Variants in CFAP54 observed in about 807,000 individuals in gnomAD.
CFAP54 encodes cilia and flagella associated protein 54.
Under a neutral mutation model 370.4 loss-of-function variants are expected in CFAP54, and 290 were observed. The ratio of observed to expected loss-of-function variants is 0.78; its 90% CI spans 0.71 to 0.86. The LOEUF is 0.86. CFAP54 is among the 40% of genes least tolerant of loss of function. CFAP54 has a pLI of 0.00. For missense variants in CFAP54, 3,399 were observed against 3,528.7 expected (o/e 0.96, Z 0.93); for synonymous variants, 1,206 against 1,236.5 (o/e 0.98, Z 0.52).
In CFAP54 at chr12:96,489,625, T is replaced by C. The variant is rs2136337484; in HGVS notation, c.16T>C (p.Ser6Pro). 2 of 1,519,880 alleles carry C rather than the reference T, an allele frequency of 1.3e-6. No homozygotes were observed. The highest frequency in any genetic ancestry group is 1.8e-6 in the Non-Finnish European group (2 of 1,135,408). 94.1% of individuals were successfully genotyped at this position (1,519,880 alleles called of 1,614,324 possible). ...GCGCGTCAATATGGCGGCGCAGGGC[T>C]CCCCCTCGAGCTCTCCGTCAGACGA... MAAQGSPSSSPSDDST... is the reference protein window; with the variant it reads MAAQGPPSSSPSDDST... Residue 6 changes from serine (S) to proline (P), a missense_variant, in exon 1 of 68, where the codon TCC (serine) becomes CCC (proline). Ser to Pro is a moderately conservative substitution (Grantham distance 74). This residue lies in a region of CFAP54 where 559 missense variants were observed against 576.7 expected (regional missense o/e 0.97). Transcript: ENST00000524981.
chr12:96,787,996 C>T (rs115593041), intron 62 of CFAP54, among the ~76,000 whole-genome samples: 2,327 of 151,360 alleles, frequency 0.015, 76 homozygotes, highest in African/African-American at 0.054. Context: ...GGCTCACTGC[C>T]GCCTCTGCCT....
intron 65 of CFAP54, among the ~76,000 whole-genome samples, chr12:96,818,940 C>T (rs962231815): frequency 1.4e-4 from 21 of 152,174 alleles, no homozygotes; most frequent in African/African-American, 5.1e-4. Flanking sequence ...CCCCTAATTA[C>T]CTGTTCTTTA....
chr12:96,564,715 T>C lies in CFAP54; in HGVS notation c.2569T>C (p.Leu857=), dbSNP rs1188732997. 2 of 633,872 alleles carry C rather than the reference T, an allele frequency of 3.2e-6. No individual in the cohort carries two copies. Among genetic ancestry groups the C allele is most frequent in the Admixed American group, 2.8e-5 (1 of 35,472 alleles). 39.3% of individuals were successfully genotyped at this position (633,872 alleles called of 1,614,324 possible). ...AATTTACTTAATGCAGAAAGCTCTT[T>C]TAATATTCGAGAAAGATGCAACTTC... is the stretch of plus-strand genomic sequence containing the variant. ...KAIYLMQKAL[L]IFEKDATSTS... Residue 857 remains leucine (L), a synonymous_variant, in exon 19 of 68, where the codon TTA becomes CTA. Coordinates refer to ENST00000524981, the MANE Select transcript of CFAP54 (RefSeq NM_001306084.2).
At chr12:96,832,174 C>T (rs1959173050) in intron 66 of CFAP54, among the ~76,000 whole-genome samples, 1 of 151,988 alleles carries the variant, frequency 6.6e-6, no homozygotes, top group African/African-American at 2.4e-5. Flanking sequence ...CTGCTGTCAT[C>T]CATGTAAGAC....
intron 13 of CFAP54, 179 bp downstream of exon 13, chr12:96,538,697 T>C: frequency 1.6e-6 from 1 of 624,450 alleles, no homozygotes; most frequent in Non-Finnish European, 2.7e-6. Flanking sequence ...TTTTAATGTG[T>C]GTTCCCTGCA....
At chr12:96,575,477 T>C (rs1168532929) in intron 19 of CFAP54, among the ~76,000 whole-genome samples, 2 of 152,154 alleles carry the variant, frequency 1.3e-5, no homozygotes, top group East Asian at 3.9e-4. Flanking sequence ...TAATAATAGT[T>C]CTGATATGGC....
chr12:96,827,949 A>G (rs1365835608), intron 65 of CFAP54, among the ~76,000 whole-genome samples: 5 of 105,276 alleles, frequency 4.7e-5, no homozygotes, highest in Non-Finnish European at 9.0e-5. Flanking sequence ...TATATAATAT[A>G]TAATTATATA....
At chr12:96,691,081 A>C (rs962289416) in intron 43 of CFAP54, 47 bp from the exon 44 acceptor site, 1 of 1,540,904 alleles carries the variant, frequency 6.5e-7, no homozygotes, top group East Asian at 2.3e-5. Context: ...TTCATTATTG[A>C]AAATGCTATC....
At chr12:96,753,552 G>A (rs140912618) in intron 55 of CFAP54, among the ~76,000 whole-genome samples, 191 bp from the exon 56 acceptor site, 1 of 152,054 alleles carries the variant, frequency 6.6e-6, no homozygotes, top group Non-Finnish European at 1.5e-5. Context: ...ATTTCAAAGG[G>A]TTATTACTGT....
chr12:96,505,279 G>T (rs1458385775), intron 3 of CFAP54, among the ~76,000 whole-genome samples: 1 of 151,780 alleles, frequency 6.6e-6, no homozygotes, highest in African/African-American at 2.4e-5. Flanking sequence ...GGTCAGGGTG[G>T]TCTCAAACTC....
intron 63 of CFAP54, among the ~76,000 whole-genome samples, chr12:96,803,305 T>A (rs1314382564): frequency 6.6e-6 from 1 of 152,070 alleles, no homozygotes; most frequent in African/African-American, 2.4e-5. Context: ...AGTGTAAAAG[T>A]GTTTCTATTT....
At chr12:96,700,839 A>G (rs1440238095) in intron 46 of CFAP54, among the ~76,000 whole-genome samples, 1 of 151,800 alleles carries the variant, frequency 6.6e-6, no homozygotes, top group Non-Finnish European at 1.5e-5. Context: ...TTTGCCTGGG[A>G]GAGAGTGTGT....
intron 48 of CFAP54, among the ~76,000 whole-genome samples, chr12:96,717,924 C>T (rs148462466): frequency 0.012 from 1,833 of 152,262 alleles, 22 homozygotes; most frequent in Middle Eastern, 0.02. Flanking sequence ...TCAGCTTCAG[C>T]CTTCTAATAT....
intron 60 of CFAP54, among the ~76,000 whole-genome samples, chr12:96,771,617 A>G (rs1325180037): frequency 2.0e-5 from 3 of 152,152 alleles, no homozygotes; most frequent in East Asian, 1.9e-4. Context: ...GCGCCACTGC[A>G]CTCCGGCCTG....
chr12:96,664,809 A>C (rs372519843), intron 39 of CFAP54, among the ~76,000 whole-genome samples: 2 of 39,226 alleles, frequency 5.1e-5, no homozygotes, highest in South Asian at 1.2e-3. Flanking sequence ...ATATATATAT[A>C]TATAGATATA....
At chr12:96,512,030 T>C (rs1298510415) in intron 4 of CFAP54, among the ~76,000 whole-genome samples, 1 of 152,048 alleles carries the variant, frequency 6.6e-6, no homozygotes, top group Non-Finnish European at 1.5e-5. Context: ...CCTCTTTTAA[T>C]TAATGGTCTG....
Position 96,756,577 on chromosome 12 carries a change from C to A in CFAP54, c.7946+14C>A. 2 of 1,520,568 alleles carry A rather than the reference C, an allele frequency of 1.3e-6. No individual in the cohort carries two copies. The highest frequency in any genetic ancestry group is 1.7e-4 in the Middle Eastern group (1 of 5,870). 94.2% of individuals were successfully genotyped at this position (1,520,568 alleles called of 1,614,324 possible). Reference sequence around the variant, plus strand: ...TCAAAACTCAGGGTAAAAAGATATTCCATTGTTGTAGCTGTGTGTGTTTGG... The same window carrying A: ...TCAAAACTCAGGGTAAAAAGATATTACATTGTTGTAGCTGTGTGTGTTTGG... On this transcript the variant is annotated intron_variant, in intron 57 of 67. Coordinates refer to ENST00000524981, the MANE Select transcript of CFAP54 (RefSeq NM_001306084.2).
At chr12:96,640,632 A>C (rs1175888615) in intron 32 of CFAP54, among the ~76,000 whole-genome samples, 1 of 152,250 alleles carries the variant, frequency 6.6e-6, no homozygotes, top group African/African-American at 2.4e-5. Flanking sequence ...ATCCTAAGCC[A>C]AAAGAACAAA....
intron 14 of CFAP54, among the ~76,000 whole-genome samples, chr12:96,542,507 G>GA (rs1229746896): frequency 2.0e-5 from 3 of 152,084 alleles, no homozygotes. Flanking sequence ...AAGGTGGAGA[G>GA]AAAAAATAAA....
Sources: allele counts gnomAD v4.1 joint callset (sites outside exome capture counted in the v4.1 genomes callset), GRCh38; gene constraint gnomAD v4.1.1; regional missense constraint gnomAD v4.1.1; transcripts MANE v1.5; gene names NCBI Gene and HGNC (gene_info 2026-07-23, HGNC 2026-07-21).